The following SYNE2 variants were observed in gnomAD, a reference collection of about 807,000 sequenced individuals.
SYNE2 encodes the protein spectrin repeat containing nuclear envelope protein 2.
A neutral mutation model predicts 856.3 loss-of-function variants in SYNE2; 431 were observed. The observed-to-expected ratio is 0.50, with a 90% CI of 0.47 to 0.55. The LOEUF is 0.55. Ranked by LOEUF, SYNE2 falls within the 20% of genes least tolerant of loss-of-function variation. The pLI, the probability that SYNE2 is intolerant of heterozygous loss-of-function variation, is 0.00. For missense variants in SYNE2, 8,129 were observed against 8,023.2 expected (o/e 1.01, Z -0.50); for synonymous variants, 2,923 against 2,872.3 (o/e 1.02, Z -0.56).
intron 53 of SYNE2, 130 bp from the exon 54 acceptor site, chr14:64,075,815 C>T: frequency 1.1e-6 from 1 of 902,252 alleles, no homozygotes; most frequent in East Asian, 2.5e-5. Flanking sequence ...GCTTGTATCA[C>T]TAGTGGGGTT....
At chr14:63,791,930 C>T (rs1438765462) in intron 1 of SYNE2, among the ~76,000 whole-genome samples, 3 of 125,620 alleles carry the variant, frequency 2.4e-5, no homozygotes, top group South Asian at 2.8e-4. Context: ...GGTGAAAGAG[C>T]GAGACTCCGT....
intron 107 of SYNE2, 76 bp from the exon 108 acceptor site, chr14:64,216,172 T>G (rs112209461): frequency 6.8e-6 from 11 of 1,607,422 alleles, no homozygotes; most frequent in African/African-American, 6.7e-5. Context: ...ATTTTCATAC[T>G]GTAACCTGAT....
At chr14:63,809,184 T>C (rs1158395046) in intron 1 of SYNE2, among the ~76,000 whole-genome samples, 1 of 151,854 alleles carries the variant, frequency 6.6e-6, no homozygotes. Flanking sequence ...CAAAGAGGAA[T>C]TAAGATGCAC....
chr14:63,828,733 A>AAAAT (rs922718412), intron 1 of SYNE2, among the ~76,000 whole-genome samples: 104 of 152,118 alleles, frequency 6.8e-4, no homozygotes, highest in South Asian at 2.1e-3. Context: ...TCCATCTCAA[A>AAAAT]AAATAAATAA....
At chr14:64,090,355 ATCTCT>A (rs2097600126) in intron 59 of SYNE2, among the ~76,000 whole-genome samples, 2 of 152,196 alleles carry the variant, frequency 1.3e-5, no homozygotes, top group African/African-American at 4.8e-5. Context: ...ACGGTGAGTA[ATCTCT>A]TCTAATGTAT....
At chr14:64,219,171 T>C (rs557954492) in intron 109 of SYNE2, 37 bp from the exon 110 acceptor site, 2 of 1,575,264 alleles carry the variant, frequency 1.3e-6, no homozygotes, top group African/African-American at 1.4e-5. Flanking sequence ...ATCTGTTGCA[T>C]TATTGCTTTT....
At chr14:64,214,154 A>T (rs780935065) in intron 105 of SYNE2, 40 bp from the exon 106 acceptor site, 1 of 1,614,192 alleles carries the variant, frequency 6.2e-7, no homozygotes, top group Admixed American at 1.7e-5. Context: ...GCAGAAGCCT[A>T]TGAGTTGATT....
At chr14:64,157,079 TC>T (rs1205501904) in intron 85 of SYNE2, among the ~76,000 whole-genome samples, 1 of 152,166 alleles carries the variant, frequency 6.6e-6, no homozygotes, top group East Asian at 1.9e-4. Flanking sequence ...TCAACCCAGA[TC>T]CTTTTTAAAA....
intron 1 of SYNE2, among the ~76,000 whole-genome samples, chr14:63,895,279 T>A (rs532275232): frequency 9.6e-4 from 145 of 151,710 alleles, no homozygotes; most frequent in African/African-American, 3.1e-3. Context: ...TAATTTTTTT[T>A]TTTTTATTTT....
chr14:64,137,730 T>G lies in SYNE2; in HGVS notation c.14647-57T>G, dbSNP rs563285313. 33 of 1,579,770 alleles carry G rather than the reference T, an allele frequency of 2.1e-5. No homozygotes were observed. The African/African-American group carries it at 4.1e-4, about 19-fold the overall frequency. On this transcript the variant is annotated intron_variant, in intron 78 of 115. Coordinates refer to ENST00000555002, the MANE Select transcript of SYNE2 (RefSeq NM_182914.3). ...CAGTTTTAAATGCAGTATTTGTGAA[T>G]AGCTTGGCAGACTTTATTTTCTAAA...
intron 79 of SYNE2, among the ~76,000 whole-genome samples, chr14:64,138,511 G>A (rs2098113945): frequency 6.6e-6 from 1 of 152,102 alleles, no homozygotes; most frequent in Admixed American, 6.5e-5. Flanking sequence ...TGGGATTACA[G>A]GTGTAAGCCA....
chr14:64,181,267 G>A (rs1325072692), intron 96 of SYNE2, among the ~76,000 whole-genome samples: 2 of 152,054 alleles, frequency 1.3e-5, no homozygotes, highest in African/African-American at 2.4e-5. Flanking sequence ...GGCTTTATTA[G>A]GTTAACAAGA....
intron 2 of SYNE2, among the ~76,000 whole-genome samples, chr14:63,924,098 G>T (rs1232759715): frequency 1.3e-5 from 2 of 152,134 alleles, no homozygotes; most frequent in East Asian, 1.9e-4. Flanking sequence ...CAGCCACTGT[G>T]CCTGGTCAAA....
intron 7 of SYNE2, among the ~76,000 whole-genome samples, chr14:63,950,634 A>G (rs2096138083): frequency 6.6e-6 from 1 of 152,154 alleles, no homozygotes; most frequent in Non-Finnish European, 1.5e-5. Flanking sequence ...TTAGAAACGT[A>G]GCTCAATTAG....
chr14:63,781,452 A>G (rs930071344), intron 1 of SYNE2, among the ~76,000 whole-genome samples: 3 of 152,072 alleles, frequency 2.0e-5, no homozygotes, highest in Non-Finnish European at 4.4e-5. Flanking sequence ...CAAATAAATA[A>G]GTATATAGGA....
At chr14:63,894,013 T>G (rs1220154798) in intron 1 of SYNE2, among the ~76,000 whole-genome samples, 3 of 152,194 alleles carry the variant, frequency 2.0e-5, no homozygotes, top group Non-Finnish European at 4.4e-5. Flanking sequence ...CAGTTACTTC[T>G]TTGGGGAAAA....
chr14:63,967,493 A>G (rs1319747062), intron 10 of SYNE2, among the ~76,000 whole-genome samples: 1 of 152,182 alleles, frequency 6.6e-6, no homozygotes, highest in African/African-American at 2.4e-5. Context: ...CAATACACAA[A>G]GCACAGAGTG....
intron 1 of SYNE2, among the ~76,000 whole-genome samples, chr14:63,847,507 A>T (rs986644781): frequency 6.6e-6 from 1 of 152,120 alleles, no homozygotes; most frequent in Non-Finnish European, 1.5e-5. Context: ...GCTTTATTCT[A>T]CTATTGAAAA....
At chr14:64,084,541 T>G (rs2097545987) in intron 57 of SYNE2, 1 of 167,902 alleles carries the variant, frequency 6.0e-6, no homozygotes, top group Non-Finnish European at 1.3e-5. Flanking sequence ...CTTAACATAA[T>G]GCCTTTGAGA....
Sources: allele counts gnomAD v4.1 joint callset (sites outside exome capture counted in the v4.1 genomes callset), GRCh38; gene constraint gnomAD v4.1.1; transcripts MANE v1.5; gene names NCBI Gene and HGNC (gene_info 2026-07-23, HGNC 2026-07-21).